The following FSTL5 variants were observed in gnomAD, a reference collection of about 807,000 sequenced individuals.
The protein encoded by FSTL5 is follistatin-related protein 5.
Under a neutral mutation model 89.1 loss-of-function variants are expected in FSTL5, and 62 were observed. The ratio of observed to expected loss-of-function variants is 0.70; its 90% CI spans 0.57 to 0.86. FSTL5 has a LOEUF of 0.86. Among genes scored for constraint, FSTL5 ranks in the 40% least tolerant of loss-of-function variants. FSTL5 has a pLI of 0.00. For missense variants in FSTL5, 1,057 were observed against 1,001.6 expected (o/e 1.06, Z -0.75); for synonymous variants, 383 against 346.2 (o/e 1.11, Z -1.18).
At chr4:161,600,472 C>T (rs191789199) in intron 7 of FSTL5, among the ~76,000 whole-genome samples, 59 of 151,514 alleles carry the variant, frequency 3.9e-4, no homozygotes, top group Middle Eastern at 3.4e-3. Context: ...CTACATAAAC[C>T]GTTGGGTTTG....
intron 4 of FSTL5, among the ~76,000 whole-genome samples, chr4:161,818,035 C>G (rs1460703563): frequency 1.3e-5 from 2 of 152,190 alleles, no homozygotes; most frequent in East Asian, 3.9e-4. Flanking sequence ...CCTGCCATGC[C>G]CCCATCCTGT....
intron 7 of FSTL5, among the ~76,000 whole-genome samples, chr4:161,622,003 AT>A (rs1735148282): frequency 6.6e-6 from 1 of 151,876 alleles, no homozygotes; most frequent in African/African-American, 2.4e-5. Flanking sequence ...TCTCAAAAAA[AT>A]AAAATAAAAT....
At chr4:161,732,343 T>C (rs1167432641) in intron 6 of FSTL5, among the ~76,000 whole-genome samples, 2 of 152,062 alleles carry the variant, frequency 1.3e-5, no homozygotes, top group Non-Finnish European at 2.9e-5. Flanking sequence ...AAATGAAGTG[T>C]TTTTGTTCCC....
chr4:162,044,356 T>C (rs952940553), intron 2 of FSTL5, among the ~76,000 whole-genome samples: 4 of 152,154 alleles, frequency 2.6e-5, no homozygotes, highest in African/African-American at 9.7e-5. Flanking sequence ...AAAGGAATCT[T>C]TTTTCTGAGC....
intron 7 of FSTL5, among the ~76,000 whole-genome samples, chr4:161,589,809 C>A (rs1440150752): frequency 6.6e-6 from 1 of 151,982 alleles, no homozygotes; most frequent in Admixed American, 6.6e-5. Context: ...GCCACACAAA[C>A]GTGCAGGACT....
Position 161,658,486 on chromosome 4 carries a change from G to A in FSTL5, c.728-1992C>T, listed in dbSNP as rs117158089. 7.3e-3 allele frequency among the ~76,000 whole-genome samples: 1,100 copies of A among 151,488 alleles called. 13 individuals are homozygous for A. The highest frequency in any genetic ancestry group is 0.048 in the South Asian group (229 of 4,784). On this transcript the variant is annotated intron_variant, in intron 6 of 15. Coordinates refer to ENST00000306100, the MANE Select transcript of FSTL5 (RefSeq NM_020116.5). The stretch of plus-strand genomic sequence containing the variant: ...AAAAAAAAAAATAGGGAATATTTTC[G>A]GTCTGTTTTAGATTAATATATATTC...
At chr4:161,387,593 A>G (rs1730688835) in intron 15 of FSTL5, 1 of 152,036 alleles carries the variant, frequency 6.6e-6, no homozygotes, top group Non-Finnish European at 1.5e-5. Context: ...GTGCAATCAG[A>G]GTAATATCTC....
chr4:161,771,862 T>C (rs1741222127), intron 5 of FSTL5, among the ~76,000 whole-genome samples: 1 of 152,156 alleles, frequency 6.6e-6, no homozygotes, highest in Non-Finnish European at 1.5e-5. Flanking sequence ...CATTTTTTGT[T>C]AGATATTCTC....
At chr4:161,715,931 T>C (rs1319994590) in intron 6 of FSTL5, among the ~76,000 whole-genome samples, 1 of 152,208 alleles carries the variant, frequency 6.6e-6, no homozygotes, top group East Asian at 1.9e-4. Flanking sequence ...AATCTTGCTC[T>C]CTCCCTATTC....
At chr4:161,878,988 A>G (rs1732539475) in intron 4 of FSTL5, among the ~76,000 whole-genome samples, 1 of 152,182 alleles carries the variant, frequency 6.6e-6, no homozygotes, top group Non-Finnish European at 1.5e-5. Flanking sequence ...TCCTAAATGT[A>G]AAATTTACAT....
At chr4:161,568,886 T>C (rs1732906902) in intron 8 of FSTL5, among the ~76,000 whole-genome samples, 1 of 152,186 alleles carries the variant, frequency 6.6e-6, no homozygotes, top group South Asian at 2.1e-4. Flanking sequence ...AGTACTAAAC[T>C]GACTAACAAA....
chr4:161,526,917 C>T (rs1287825955), intron 10 of FSTL5, among the ~76,000 whole-genome samples: 1 of 152,160 alleles, frequency 6.6e-6, no homozygotes, highest in East Asian at 1.9e-4. Flanking sequence ...TTAGGACTGA[C>T]TTGGTGATGC....
intron 3 of FSTL5, among the ~76,000 whole-genome samples, chr4:162,000,109 A>G (rs1736416069): frequency 6.6e-6 from 1 of 152,188 alleles, no homozygotes; most frequent in Non-Finnish European, 1.5e-5. Context: ...GCTTCTGGCA[A>G]AATCAGTCAA....
intron 4 of FSTL5, among the ~76,000 whole-genome samples, chr4:161,856,988 G>A (rs1244020998): frequency 6.6e-6 from 1 of 151,758 alleles, no homozygotes; most frequent in Non-Finnish European, 1.5e-5. Flanking sequence ...GAGATGAGAG[G>A]CAAGATAGAT....
rs546505230 is a variant in FSTL5 at position 161,893,939 on chromosome 4, A to T, written c.409+26465T>A. ...CCAAAACCAAATTTTTACTCCTGCAAACTTTATTGTAAGGATTTCCGAAGG... is the reference window on the plus strand; with the variant it reads ...CCAAAACCAAATTTTTACTCCTGCATACTTTATTGTAAGGATTTCCGAAGG... On this transcript the variant is annotated intron_variant, in intron 4 of 15. Transcript: ENST00000306100. Among the ~76,000 whole-genome samples the T allele has an allele frequency of 4.6e-5, 7 of 152,276 alleles. No individual in the cohort carries two copies. The South Asian group carries it at 1.2e-3, about 27-fold the overall frequency.
intron 8 of FSTL5, among the ~76,000 whole-genome samples, chr4:161,579,512 G>A (rs1733350509): frequency 2.0e-5 from 3 of 151,976 alleles, no homozygotes; most frequent in Admixed American, 1.3e-4. Context: ...GAGGTCAGGG[G>A]TTTGAGACCA....
chr4:161,878,525 T>C (rs896460339), intron 4 of FSTL5, among the ~76,000 whole-genome samples: 12 of 152,050 alleles, frequency 7.9e-5, no homozygotes, highest in African/African-American at 2.7e-4. Flanking sequence ...CTAAACTTTA[T>C]AAAGGAAACA....
At chr4:161,983,963 C>T (rs1020155203) in intron 3 of FSTL5, among the ~76,000 whole-genome samples, 3 of 151,980 alleles carry the variant, frequency 2.0e-5, no homozygotes, top group Admixed American at 6.6e-5. Context: ...CGGTAAAAAA[C>T]TTTCCTGAAA....
intron 4 of FSTL5, among the ~76,000 whole-genome samples, chr4:161,786,644 G>C (rs942218451): frequency 6.6e-6 from 1 of 152,066 alleles, no homozygotes; most frequent in African/African-American, 2.4e-5. Flanking sequence ...GTGTTTTCAA[G>C]TAAGACTTGG....
Sources: allele counts gnomAD v4.1 joint callset (sites outside exome capture counted in the v4.1 genomes callset), GRCh38; gene constraint gnomAD v4.1.1; transcripts MANE v1.5; gene names NCBI Gene and HGNC (gene_info 2026-07-23, HGNC 2026-07-21).